COMMD10: variants seen among roughly 807,000 people sequenced by gnomAD.
COMMD10 encodes the protein COMM domain-containing protein 10.
COMMD10 carries 33 observed loss-of-function variants against 28.9 expected under a neutral mutation model. That is an observed-to-expected ratio of 1.14 (90% CI 0.87 to 1.53). The LOEUF (loss-of-function observed/expected upper bound fraction) is 1.53, where lower values mean the gene tolerates loss of function less well. Ranked by LOEUF, COMMD10 falls within the 40% of genes most tolerant of loss-of-function variation. The pLI, the probability that COMMD10 is intolerant of heterozygous loss-of-function variation, is 0.00. For missense variants in COMMD10, 310 were observed against 233.4 expected (o/e 1.33, Z -2.14); for synonymous variants, 110 against 81.7 (o/e 1.35, Z -1.87).
chr5:116,211,790 ACTCT>A (rs1239682278), intron 5 of COMMD10, among the ~76,000 whole-genome samples: 3 of 152,064 alleles, frequency 2.0e-5, no homozygotes, highest in Non-Finnish European at 2.9e-5. Flanking sequence ...GCACACGCAC[ACTCT>A]CTCACAGAGG....
chr5:116,100,653 G>C (rs1274623762), intron 4 of COMMD10, among the ~76,000 whole-genome samples: 3 of 147,908 alleles, frequency 2.0e-5, no homozygotes, highest in Non-Finnish European at 4.5e-5. Context: ...TTATTGTTTA[G>C]ATTTAATAAA....
intron 5 of COMMD10, among the ~76,000 whole-genome samples, chr5:116,150,523 T>G (rs1752489970): frequency 6.8e-6 from 1 of 147,998 alleles, no homozygotes; most frequent in Non-Finnish European, 1.5e-5. Context: ...TGTATCCTCT[T>G]TTATTTCGTT....
chr5:116,161,072 T>A (rs1752900231), intron 5 of COMMD10, among the ~76,000 whole-genome samples: 1 of 152,162 alleles, frequency 6.6e-6, no homozygotes, highest in Non-Finnish European at 1.5e-5. Flanking sequence ...TATGGGCCCA[T>A]GAAGCCTGCC....
intron 5 of COMMD10, among the ~76,000 whole-genome samples, chr5:116,244,753 G>T (rs1467828396): frequency 1.3e-5 from 2 of 150,520 alleles, no homozygotes; most frequent in Non-Finnish European, 3.0e-5. Flanking sequence ...TGAAATTAAG[G>T]CAGAAATCAA....
intron 5 of COMMD10, among the ~76,000 whole-genome samples, chr5:116,212,212 A>G (rs1313341734): frequency 6.6e-6 from 1 of 152,202 alleles, no homozygotes; most frequent in Non-Finnish European, 1.5e-5. Flanking sequence ...AGAAATAACC[A>G]TCTGTAGCAG....
chr5:116,261,521 G>A (rs1230866979), intron 5 of COMMD10, among the ~76,000 whole-genome samples: 1 of 151,534 alleles, frequency 6.6e-6, no homozygotes, highest in Non-Finnish European at 1.5e-5. Flanking sequence ...CTGCAGCTGG[G>A]GACTTCTAAA....
At chr5:116,124,371 A>G (rs997224323) in intron 4 of COMMD10, among the ~76,000 whole-genome samples, 6 of 152,008 alleles carry the variant, frequency 3.9e-5, no homozygotes, top group African/African-American at 1.4e-4. Flanking sequence ...CCATGTACTT[A>G]TGCAGTTTTA....
At chr5:116,271,828 T>C (rs1318401446) in intron 5 of COMMD10, among the ~76,000 whole-genome samples, 1 of 151,884 alleles carries the variant, frequency 6.6e-6, no homozygotes, top group Non-Finnish European at 1.5e-5. Context: ...TATTGCTCCA[T>C]ACAAACATTC....
intron 5 of COMMD10, among the ~76,000 whole-genome samples, chr5:116,263,301 A>G (rs1317585886): frequency 6.6e-6 from 1 of 151,770 alleles, no homozygotes; most frequent in African/African-American, 2.4e-5. Context: ...CAAACCATAA[A>G]TTCTCATCAG....
intron 5 of COMMD10, among the ~76,000 whole-genome samples, chr5:116,284,183 C>A (rs896933122): frequency 1.3e-5 from 2 of 151,644 alleles, no homozygotes; most frequent in East Asian, 3.9e-4. Flanking sequence ...TCTTTAAAAT[C>A]TTTTAACCTA....
chr5:116,242,015 A>C (rs960407599), intron 5 of COMMD10, among the ~76,000 whole-genome samples: 1 of 152,214 alleles, frequency 6.6e-6, no homozygotes, highest in African/African-American at 2.4e-5. Context: ...CATTAAACAA[A>C]AAGGCAGACC....
At chr5:116,204,133 G>A (rs1748750321) in intron 5 of COMMD10, among the ~76,000 whole-genome samples, 3 of 151,982 alleles carry the variant, frequency 2.0e-5, no homozygotes, top group Admixed American at 2.0e-4. Context: ...AAGATCAAAA[G>A]AGACAAAGAA....
At chr5:116,239,506 C>G (rs2112661784) in intron 5 of COMMD10, among the ~76,000 whole-genome samples, 1 of 152,198 alleles carries the variant, frequency 6.6e-6, no homozygotes, top group South Asian at 2.1e-4. Context: ...TCTCTTTGAG[C>G]AGTACATTTT....
chr5:116,100,955 C>A (rs1324817358), intron 4 of COMMD10, among the ~76,000 whole-genome samples: 1 of 152,152 alleles, frequency 6.6e-6, no homozygotes, highest in African/African-American at 2.4e-5. Context: ...CATGTGTACA[C>A]ATTATTTAGC....
intron 1 of COMMD10, 97 bp downstream of exon 1, chr5:116,085,190 C>A: frequency 5.6e-6 from 2 of 359,482 alleles, no homozygotes; most frequent in Non-Finnish European, 1.0e-5. Flanking sequence ...CTGGGCGCCG[C>A]GGCGGGCCCG....
intron 5 of COMMD10, among the ~76,000 whole-genome samples, chr5:116,150,172 T>C (rs564590639): frequency 2.6e-5 from 4 of 152,316 alleles, no homozygotes; most frequent in Admixed American, 1.3e-4. Context: ...GTTGTAGCTA[T>C]GCAGTGTTAC....
intron 5 of COMMD10, among the ~76,000 whole-genome samples, chr5:116,158,837 C>T (rs1157290889): frequency 4.2e-5 from 6 of 144,038 alleles, no homozygotes; most frequent in African/African-American, 1.7e-4. Context: ...ATGTCATTTG[C>T]CTTGCAAACA....
intron 5 of COMMD10, among the ~76,000 whole-genome samples, chr5:116,287,100 A>G (rs1751237401): frequency 6.6e-6 from 1 of 151,790 alleles, no homozygotes; most frequent in Admixed American, 6.6e-5. Context: ...AAAACAATGT[A>G]CAGCAGGCTT....
At chr5:116,223,205 TG>T (rs991514165) in intron 5 of COMMD10, among the ~76,000 whole-genome samples, 2 of 151,786 alleles carry the variant, frequency 1.3e-5, no homozygotes, top group African/African-American at 4.8e-5. Context: ...GATTTTTTTT[TG>T]AAAAAAAGGA....
Sources: gnomAD v4.1 joint callset for allele counts (sites outside exome capture counted in the v4.1 genomes callset) on GRCh38, gnomAD v4.1.1 for gene constraint, MANE v1.5 for transcripts, NCBI Gene and HGNC (gene_info 2026-07-23, HGNC 2026-07-21) for gene names.